Variants in BLOC1S5 observed in about 807,000 individuals in gnomAD.
BLOC1S5 encodes the protein biogenesis of lysosomal organelles complex 1 subunit 5.
In BLOC1S5, 27 loss-of-function variants were observed where a neutral mutation model predicts 24.3. The ratio of observed to expected loss-of-function variants is 1.11; its 90% CI spans 0.82 to 1.53. BLOC1S5 has a LOEUF of 1.53. Ranked by LOEUF, BLOC1S5 falls within the 40% of genes most tolerant of loss-of-function variation. BLOC1S5 has a pLI of 0.00. For missense variants in BLOC1S5, 239 were observed against 229.4 expected, an observed-to-expected ratio of 1.04 and a Z score of -0.27; for synonymous variants, 84 against 74.5, an observed-to-expected ratio of 1.13 and a Z score of -0.66.
At chr6:8,029,088 ATTC>A (rs1561858227) in intron 3 of BLOC1S5, among the ~76,000 whole-genome samples, 37 of 152,322 alleles carry the variant, frequency 2.4e-4, no homozygotes, top group African/African-American at 7.7e-4. Flanking sequence ...AAAGAAACAA[ATTC>A]ATTCTATCAT....
At chr6:8,041,102 G>A (rs754148348) in intron 3 of BLOC1S5, 37 bp downstream of exon 3, 2 of 1,553,418 alleles carry the variant, frequency 1.3e-6, no homozygotes, top group Non-Finnish European at 8.7e-7. Context: ...GCATTCATTT[G>A]AAATGAAAAG....
chr6:8,036,506 A>T (rs1275196923), intron 3 of BLOC1S5, among the ~76,000 whole-genome samples: 2 of 152,154 alleles, frequency 1.3e-5, no homozygotes, highest in East Asian at 3.9e-4. Flanking sequence ...ACTAATAATG[A>T]ATAACAAGGT....
chr6:8,042,096 A>G (rs1323429173), intron 2 of BLOC1S5, among the ~76,000 whole-genome samples: 1 of 152,210 alleles, frequency 6.6e-6, no homozygotes, highest in Non-Finnish European at 1.5e-5. Flanking sequence ...GAAATGCTCC[A>G]AAAGTTGCAA....
chr6:8,033,139 T>A (rs1467947919), intron 3 of BLOC1S5, among the ~76,000 whole-genome samples: 1 of 152,074 alleles, frequency 6.6e-6, no homozygotes, highest in African/African-American at 2.4e-5. Context: ...TTAAACTTCA[T>A]ATGGAACCAA....
At chr6:8,025,904 T>C (rs1763085574) in intron 4 of BLOC1S5, among the ~76,000 whole-genome samples, 1 of 152,220 alleles carries the variant, frequency 6.6e-6, no homozygotes, top group African/African-American at 2.4e-5. Flanking sequence ...TGAATTTAGT[T>C]AACATATAAT....
At chr6:8,045,767 C>T (rs1279064466) in intron 2 of BLOC1S5, among the ~76,000 whole-genome samples, 1 of 152,186 alleles carries the variant, frequency 6.6e-6, no homozygotes, top group East Asian at 1.9e-4. Context: ...TTTGTTTTGG[C>T]ACATTTCTCT....
chr6:8,059,582 T>C (rs532693987), intron 2 of BLOC1S5, among the ~76,000 whole-genome samples: 2 of 152,368 alleles, frequency 1.3e-5, no homozygotes, highest in East Asian at 1.9e-4. Context: ...GATATCATTG[T>C]TTCGGCCATG....
intron 4 of BLOC1S5, among the ~76,000 whole-genome samples, chr6:8,022,534 T>C (rs1009413183): frequency 1.3e-5 from 2 of 151,460 alleles, no homozygotes; most frequent in African/African-American, 4.8e-5. Flanking sequence ...TATAGAACAA[T>C]ATGTACCTAT....
intron 3 of BLOC1S5, among the ~76,000 whole-genome samples, chr6:8,028,272 A>C (rs79199696): frequency 0.019 from 2,873 of 152,238 alleles, 89 homozygotes; most frequent in African/African-American, 0.065. Context: ...TTGTGTTTTT[A>C]TCAGTAACCA....
intron 3 of BLOC1S5, among the ~76,000 whole-genome samples, chr6:8,039,317 G>A (rs1464885116): frequency 6.6e-6 from 1 of 152,154 alleles, no homozygotes; most frequent in Non-Finnish European, 1.5e-5. Flanking sequence ...ATGAGGAAAG[G>A]TTGATTAATG....
At chr6:8,054,000 T>C (rs1764225533) in intron 2 of BLOC1S5, among the ~76,000 whole-genome samples, 1 of 150,590 alleles carries the variant, frequency 6.6e-6, no homozygotes, top group African/African-American at 2.4e-5. Context: ...TCAAAGAAAA[T>C]GCTTATTGGG....
At position 8,063,063 on chromosome 6, in the gene BLOC1S5, A is replaced by G. The variant is rs1581441611; in HGVS notation, c.113-447T>C. The stretch of plus-strand genomic sequence containing the variant: ...AAATAATACGTATTTTATAATAAAT[A>G]TAATAAAAAAGCAAGTTTCAGAAGG... On this transcript the variant is annotated intron_variant, in intron 1 of 4. Coordinates refer to ENST00000397457, the MANE Select transcript of BLOC1S5 (RefSeq NM_201280.3). Among the ~76,000 whole-genome samples the G allele has an allele frequency of 1.3e-5, 2 of 152,240 alleles. 1 individual carries two copies. Among genetic ancestry groups the G allele is most frequent in the Non-Finnish European group, 2.9e-5 (2 of 68,016 alleles).
At chr6:8,021,256 A>G (rs1394649333) in intron 4 of BLOC1S5, among the ~76,000 whole-genome samples, 2 of 152,198 alleles carry the variant, frequency 1.3e-5, no homozygotes, top group African/African-American at 2.4e-5. Context: ...AGAAAGGGGA[A>G]TGAGGAGTTA....
At chr6:8,055,925 G>A (rs1484189461) in intron 2 of BLOC1S5, among the ~76,000 whole-genome samples, 1 of 152,162 alleles carries the variant, frequency 6.6e-6, no homozygotes, top group African/African-American at 2.4e-5. Context: ...ACAGTGTTGG[G>A]AGGTGGGGTC....
Position 8,026,360 on chromosome 6 carries a change from C to A in BLOC1S5, c.384+7G>T. The A allele has an allele frequency of 6.3e-7, 1 of 1,594,662 alleles. No homozygotes were observed. Among genetic ancestry groups the A allele is most frequent in the Non-Finnish European group, 8.6e-7 (1 of 1,162,896 alleles). ...TTATATGCCTCATTATCTAAATGAT[C>A]TTTTACCTTTTTTCGTTCCTGTTCC... is the stretch of plus-strand genomic sequence containing the variant. On this transcript the variant is annotated splice_region_variant and intron_variant, in intron 4 of 4. Transcript: ENST00000397457.
At chr6:8,019,558 C>G (rs957072743) in intron 4 of BLOC1S5, among the ~76,000 whole-genome samples, 4 of 148,214 alleles carry the variant, frequency 2.7e-5, no homozygotes, top group African/African-American at 7.4e-5. Context: ...CATGAGCCAC[C>G]GGCGCCCGGC....
intron 4 of BLOC1S5, among the ~76,000 whole-genome samples, chr6:8,024,498 G>C (rs890809460): frequency 1.3e-4 from 16 of 125,506 alleles, no homozygotes; most frequent in African/African-American, 3.8e-4. Flanking sequence ...CTGGGTGACG[G>C]AGTGAGACTC....
At chr6:8,052,895 CAA>C (rs572772278) in intron 2 of BLOC1S5, among the ~76,000 whole-genome samples, 11 of 115,664 alleles carry the variant, frequency 9.5e-5, no homozygotes, top group Non-Finnish European at 9.1e-5. Flanking sequence ...GAGACTCTGT[CAA>C]AAAAAAAAAA....
At chr6:8,047,965 C>T (rs570059127) in intron 2 of BLOC1S5, among the ~76,000 whole-genome samples, 1 of 152,164 alleles carries the variant, frequency 6.6e-6, no homozygotes, top group Non-Finnish European at 1.5e-5. Context: ...TTCTTTCTCC[C>T]GTATTTACCA....
Sources: allele counts gnomAD v4.1 joint callset (sites outside exome capture counted in the v4.1 genomes callset), GRCh38; gene constraint gnomAD v4.1.1; transcripts MANE v1.5; gene names NCBI Gene and HGNC (gene_info 2026-07-23, HGNC 2026-07-21).